The following PARP4 variants were observed in gnomAD, a reference collection of about 807,000 sequenced individuals.
PARP4 encodes protein mono-ADP-ribosyltransferase PARP4.
Under a neutral mutation model 187.7 loss-of-function variants are expected in PARP4, and 120 were observed. The observed-to-expected ratio is 0.64, with a 90% CI of 0.55 to 0.74. PARP4 has a LOEUF of 0.74. Among genes scored for constraint, PARP4 ranks in the 30% least tolerant of loss-of-function variants. The pLI, the probability that PARP4 is intolerant of heterozygous loss-of-function variation, is 0.00. For synonymous variants in PARP4, 654 were observed against 740.9 expected, an observed-to-expected ratio of 0.88 and a Z score of 1.90; for missense variants, 1,836 against 2,070.5, an observed-to-expected ratio of 0.89 and a Z score of 2.20.
At chr13:24,483,435 G>A (rs1183771321) in intron 12 of PARP4, among the ~76,000 whole-genome samples, 2 of 123,348 alleles carry the variant, frequency 1.6e-5, no homozygotes, top group Non-Finnish European at 3.4e-5. Flanking sequence ...GCAGTGAGCC[G>A]AGATTGTGCC....
At chr13:24,492,336 G>A (rs1211852283) in intron 9 of PARP4, 85 bp downstream of exon 9, 2 of 909,076 alleles carry the variant, frequency 2.2e-6, no homozygotes, top group Non-Finnish European at 1.7e-6. Context: ...TCATGATTCA[G>A]TGTTACCTCA....
At chr13:24,449,153 C>T (rs1342545760) in intron 25 of PARP4, among the ~76,000 whole-genome samples, 5 of 152,104 alleles carry the variant, frequency 3.3e-5, no homozygotes, top group Non-Finnish European at 7.4e-5. Flanking sequence ...CTTTGGGAGG[C>T]CAAGGTGGGC....
rs1869293510 is a variant in PARP4, at chr13:24,501,707, A to T, written c.260T>A (p.Leu87Ter). 6.2e-7 allele frequency: 1 copy of T among 1,613,340 alleles called. No individual in the cohort carries two copies. The highest frequency in any genetic ancestry group is 8.5e-7 in the Non-Finnish European group (1 of 1,179,290). ...IWKSIREKRLLDVKNYDPYKP... is the reference protein window; with the variant it reads ...IWKSIREKRL ...ATAAGGATCATAATTCTTTACATCC[A>T]AGAGTCTCTTTTCCCTGATAGATTT... Residue 87 changes from leucine (L) to a stop codon, truncating the protein, a stop_gained, in exon 3 of 34, where the codon TTG (leucine) becomes TAG (stop). Transcript: ENST00000381989. LOFTEE classifies it high-confidence loss of function.
chr13:24,476,641 A>G (rs1343191308), intron 14 of PARP4, among the ~76,000 whole-genome samples: 1 of 152,240 alleles, frequency 6.6e-6, no homozygotes, highest in East Asian at 1.9e-4. Flanking sequence ...AATGACTCCC[A>G]GAGAAAAAAC....
Position 24,492,484 on chromosome 13 carries a change from G to A in PARP4, c.990C>T (p.His330=). The change falls in exon 9 of 34, where the codon CAC becomes CAT. Residue 330 remains histidine (H), a synonymous_variant. Coordinates refer to ENST00000381989, the MANE Select transcript of PARP4 (RefSeq NM_006437.4). Reference sequence around the variant, plus strand: ...TCACTTCTTTGGGCATTGTGCCTTTGTGAGGTATCAGTCTGTAAAACTCTG... The same window carrying A: ...TCACTTCTTTGGGCATTGTGCCTTTATGAGGTATCAGTCTGTAAAACTCTG... ...MMTEFYRLIP[H]KGTMPKEVNL... is the part of the protein sequence containing the mutation. 6.2e-7 allele frequency: 1 copy of A among 1,614,054 alleles called. No individual in the cohort carries two copies. Among genetic ancestry groups the A allele is most frequent in the East Asian group, 2.2e-5 (1 of 44,870 alleles).
intron 32 of PARP4, among the ~76,000 whole-genome samples, chr13:24,431,069 A>G (rs1345380346): frequency 6.6e-6 from 1 of 152,230 alleles, no homozygotes; most frequent in Non-Finnish European, 1.5e-5. Flanking sequence ...TTCCTGACCA[A>G]TACTTGACTG....
At chr13:24,491,090 T>C (rs1012226780) in intron 9 of PARP4, among the ~76,000 whole-genome samples, 5 of 152,016 alleles carry the variant, frequency 3.3e-5, no homozygotes, top group Non-Finnish European at 7.4e-5. Context: ...ATGGGCACTA[T>C]ACGTTCCCTC....
intron 1 of PARP4, among the ~76,000 whole-genome samples, chr13:24,510,432 T>C (rs1869941392): frequency 6.6e-6 from 1 of 150,586 alleles, no homozygotes; most frequent in South Asian, 2.1e-4. Flanking sequence ...CGGGTGCCTG[T>C]AGTCCCAGCT....
At chr13:24,470,254 A>C (rs1298872562) in intron 15 of PARP4, among the ~76,000 whole-genome samples, 2 of 152,178 alleles carry the variant, frequency 1.3e-5, no homozygotes, top group East Asian at 1.9e-4. Flanking sequence ...ACTGGAATAG[A>C]AGCCACCTGA....
rs1345420027 is a variant in PARP4 at position 24,435,300 on chromosome 13, C to T, written c.3841G>A (p.Val1281Met). ...CAACTTAAATCCAATAGCTTTTCCA[C>T]ACCTCCACGTTCCAAATTTGATGTG... ...AFTSNLERGG[V>M]EKLLDLSWTE... Residue 1281 changes from valine (V) to methionine (M), a missense_variant, in exon 31 of 34, where the codon GTG becomes ATG. Physicochemically the swap from Val to Met is conservative, Grantham distance 21. Around this residue, in one of 8 missense-constraint regions of PARP4, gnomAD observed 450 missense variants for 439.2 expected, o/e 1.02. Coordinates refer to ENST00000381989, the MANE Select transcript of PARP4 (RefSeq NM_006437.4). The T allele has an allele frequency of 6.2e-7, 1 of 1,612,928 alleles. No homozygotes were observed. The highest frequency in any genetic ancestry group is 1.3e-5 in the African/African-American group (1 of 75,012).
intron 11 of PARP4, among the ~76,000 whole-genome samples, chr13:24,485,001 A>G (rs999960011): frequency 6.1e-4 from 93 of 152,334 alleles, no homozygotes; most frequent in Admixed American, 1.1e-3. Context: ...CCTACTTAGA[A>G]AGCTCATCCC....
intron 12 of PARP4, among the ~76,000 whole-genome samples, chr13:24,482,582 T>C (rs139997645): frequency 1.9e-3 from 282 of 152,268 alleles, no homozygotes; most frequent in Middle Eastern, 6.8e-3. Flanking sequence ...AAAAAGACAA[T>C]GGCTCACTGA....
chr13:24,463,443 C>T (rs913825094), intron 17 of PARP4, among the ~76,000 whole-genome samples: 1 of 151,954 alleles, frequency 6.6e-6, no homozygotes, highest in African/African-American at 2.4e-5. Flanking sequence ...TGAAGAGCAC[C>T]AGAAACGGTA....
chr13:24,458,925 G>A, intron 20 of PARP4, 119 bp downstream of exon 20: 1 of 725,174 alleles, frequency 1.4e-6, no homozygotes, highest in Non-Finnish European at 2.4e-6. Context: ...CAGGAGTAGT[G>A]CTTCTTGTTA....
At chr13:24,450,738 A>G (rs1871469398) in intron 24 of PARP4, among the ~76,000 whole-genome samples, 1 of 152,172 alleles carries the variant, frequency 6.6e-6, no homozygotes, top group Admixed American at 6.5e-5. Flanking sequence ...ACTTAGAAAG[A>G]TCCCAAAAAC....
Position 24,449,802 on chromosome 13 carries a change from A to C in PARP4, c.3030T>G (p.Arg1010=). ...ACTGGGACAAAATCCTTAAGACGTG[A>C]CGATTTGCTGTAGAACTGATCACAT... ...FACGIGSTAN[R]HVLRILSQCG... is the part of the protein sequence containing the mutation. The change falls in exon 25 of 34, where the codon CGT becomes CGG. Residue 1010 remains arginine (R), a synonymous_variant. Transcript: ENST00000381989. The C allele has an allele frequency of 6.2e-7, 1 of 1,602,192 alleles. No individual in the cohort carries two copies. Among genetic ancestry groups the C allele is most frequent in the Non-Finnish European group, 8.6e-7 (1 of 1,169,498 alleles).
chr13:24,454,825 C>T (rs189310980), intron 22 of PARP4, among the ~76,000 whole-genome samples, 192 bp downstream of exon 22: 1 of 152,172 alleles, frequency 6.6e-6, no homozygotes, highest in Admixed American at 6.5e-5. Context: ...CAAGGTGACA[C>T]ACAGAACCTG....
intron 33 of PARP4, among the ~76,000 whole-genome samples, chr13:24,425,040 G>A (rs1431107336): frequency 2.0e-5 from 3 of 151,960 alleles, no homozygotes; most frequent in African/African-American, 7.3e-5. Flanking sequence ...AGTGGTTCAT[G>A]TCTGTAATCC....
chr13:24,424,630 C>G (rs912571805), intron 33 of PARP4, among the ~76,000 whole-genome samples: 9 of 151,776 alleles, frequency 5.9e-5, no homozygotes, highest in African/African-American at 2.2e-4. Context: ...ATTTTTTAAT[C>G]CTTAGGTACT....
Sources: allele counts gnomAD v4.1 joint callset (sites outside exome capture counted in the v4.1 genomes callset), GRCh38; gene constraint gnomAD v4.1.1; regional missense constraint gnomAD v4.1.1; transcripts MANE v1.5; gene names NCBI Gene and HGNC (gene_info 2026-07-23, HGNC 2026-07-21).